The following HECW2 variants were observed in gnomAD, a reference collection of about 807,000 sequenced individuals.
HECW2 encodes HECT, C2 and WW domain containing E3 ubiquitin protein ligase 2.
HECW2 carries 61 observed loss-of-function variants against 175.2 expected under a neutral mutation model. The observed-to-expected ratio is 0.35, with a 90% confidence interval of 0.28 to 0.43. The LOEUF (loss-of-function observed/expected upper bound fraction) is 0.43, where lower values mean the gene tolerates loss of function less well. HECW2 is among the 20% of genes least tolerant of loss of function. The pLI is 1.00. For synonymous variants in HECW2, 671 were observed against 731.0 expected, an observed-to-expected ratio of 0.92 and a Z score of 1.32; for missense variants, 1,524 against 2,000.5, an observed-to-expected ratio of 0.76 and a Z score of 4.54.
intron 2 of HECW2, among the ~76,000 whole-genome samples, chr2:196,405,019 G>C (rs1575507992): frequency 2.0e-5 from 3 of 149,336 alleles, no homozygotes; most frequent in African/African-American, 4.9e-5. Context: ...TTTTAGTAGA[G>C]ATGGGGTTTC....
At chr2:196,428,272 G>A (rs1695605962) in intron 2 of HECW2, among the ~76,000 whole-genome samples, 1 of 152,138 alleles carries the variant, frequency 6.6e-6, no homozygotes, top group Non-Finnish European at 1.5e-5. Flanking sequence ...CAACTGAAGG[G>A]GAGAGGCTGC....
At chr2:196,220,426 GAA>G (rs1559443974) in intron 25 of HECW2, among the ~76,000 whole-genome samples, 1 of 152,154 alleles carries the variant, frequency 6.6e-6, no homozygotes, top group African/African-American at 2.4e-5. Context: ...TGTTTCTACA[GAA>G]AAAGTCACAT....
chr2:196,308,039 A>G lies in HECW2; in HGVS notation c.2481T>C (p.Asp827=). The change falls in exon 11 of 29, where the codon GAT becomes GAC. Residue 827 remains aspartate, a synonymous_variant. Coordinates refer to ENST00000644978, the MANE Select transcript of HECW2 (RefSeq NM_001348768.2). ...GCCACGTCGTGGTTCTGTTTACGTGATCCACGTAGAAGATCCTGCCGTGGC... is the reference window on the plus strand; with the variant it reads ...GCCACGTCGTGGTTCTGTTTACGTGGTCCACGTAGAAGATCCTGCCGTGGC... The part of the protein sequence containing the change: ...IDSHGRIFYV[D]HVNRTTTWQR... The G allele has an allele frequency of 6.2e-7, 1 of 1,600,420 alleles. No individual in the cohort carries two copies. The highest frequency in any genetic ancestry group is 8.5e-7 in the Non-Finnish European group (1 of 1,170,100).
At chr2:196,353,978 G>C (rs1183931261) in intron 2 of HECW2, among the ~76,000 whole-genome samples, 1 of 152,090 alleles carries the variant, frequency 6.6e-6, no homozygotes, top group African/African-American at 2.4e-5. Context: ...TCAATTGTCA[G>C]TATGACCTCA....
chr2:196,451,616 A>AT (rs1185175422), intron 1 of HECW2, among the ~76,000 whole-genome samples: 1 of 151,778 alleles, frequency 6.6e-6, no homozygotes, highest in Non-Finnish European at 1.5e-5. Flanking sequence ...TGATTTCCTG[A>AT]TGGTTGGGCG....
intron 1 of HECW2, among the ~76,000 whole-genome samples, chr2:196,447,772 T>A (rs990003165): frequency 1.3e-5 from 2 of 152,140 alleles, no homozygotes; most frequent in Non-Finnish European, 2.9e-5. Flanking sequence ...GTTTCAACAC[T>A]TTGGGCCAGG....
chr2:196,359,996 C>G (rs1308475613), intron 2 of HECW2, among the ~76,000 whole-genome samples: 4 of 152,124 alleles, frequency 2.6e-5, no homozygotes, highest in African/African-American at 9.7e-5. Flanking sequence ...TCTAGCTACT[C>G]AGGATGCTGA....
intron 1 of HECW2, among the ~76,000 whole-genome samples, chr2:196,590,789 T>C (rs978462795): frequency 6.6e-6 from 1 of 152,208 alleles, no homozygotes; most frequent in African/African-American, 2.4e-5. Context: ...TTCTTTGCCT[T>C]TGGCTGAAAT....
intron 6 of HECW2, among the ~76,000 whole-genome samples, chr2:196,322,857 C>A (rs1030284108): frequency 6.6e-6 from 1 of 152,326 alleles, no homozygotes; most frequent in African/African-American, 2.4e-5. Context: ...CTCAGTCAAT[C>A]ATGCAGCCCT....
At chr2:196,274,208 TAAC>T in intron 15 of HECW2, 85 bp from the exon 16 acceptor site, 1 of 912,234 alleles carries the variant, frequency 1.1e-6, no homozygotes, top group Non-Finnish European at 1.8e-6. Context: ...TTCAAAATAT[TAAC>T]AATGAGCATA....
chr2:196,591,443 A>G (rs1007769410), intron 1 of HECW2, among the ~76,000 whole-genome samples: 2 of 152,240 alleles, frequency 1.3e-5, no homozygotes, highest in African/African-American at 4.8e-5. Flanking sequence ...TTAAGTTCAA[A>G]GACATTTTTG....
chr2:196,388,200 A>C (rs551245242), intron 2 of HECW2, among the ~76,000 whole-genome samples: 80 of 152,300 alleles, frequency 5.3e-4, no homozygotes, highest in Non-Finnish European at 1.0e-3. Context: ...TGGGAGGCTG[A>C]AGCAAGAGGA....
chr2:196,439,712 C>G (rs999958132), intron 1 of HECW2, among the ~76,000 whole-genome samples: 1 of 152,072 alleles, frequency 6.6e-6, no homozygotes, highest in African/African-American at 2.4e-5. Flanking sequence ...ACCTGACCAA[C>G]AGTAGGGAGT....
chr2:196,240,942 TAA>T (rs1688430029), intron 20 of HECW2, among the ~76,000 whole-genome samples: 1 of 152,084 alleles, frequency 6.6e-6, no homozygotes, highest in East Asian at 1.9e-4. Context: ...GGCAATGTTT[TAA>T]GTCTCAATGC....
chr2:196,513,641 T>C (rs1001062415), intron 1 of HECW2, among the ~76,000 whole-genome samples: 3 of 152,174 alleles, frequency 2.0e-5, no homozygotes, highest in Non-Finnish European at 4.4e-5. Flanking sequence ...ATAAAAACAG[T>C]ATATAATGAA....
At chr2:196,306,427 A>G (rs59537349) in intron 13 of HECW2, 61 bp downstream of exon 13, 48,008 of 1,500,058 alleles carry the variant, frequency 0.032, 1,097 homozygotes, top group South Asian at 0.096. Flanking sequence ...TACTACAGAA[A>G]CAACGATCAT....
At chr2:196,367,828 C>T (rs964260563) in intron 2 of HECW2, among the ~76,000 whole-genome samples, 1 of 150,452 alleles carries the variant, frequency 6.6e-6, no homozygotes, top group African/African-American at 2.5e-5. Context: ...GGATCTCATT[C>T]TTTTTCATGG....
At chr2:196,249,250 G>A (rs1256954892) in intron 19 of HECW2, among the ~76,000 whole-genome samples, 1 of 152,142 alleles carries the variant, frequency 6.6e-6, no homozygotes, top group East Asian at 1.9e-4. Flanking sequence ...GGCATAATAA[G>A]CCACATGGTG....
chr2:196,334,691 C>G (rs1010663015), intron 3 of HECW2, among the ~76,000 whole-genome samples, 173 bp from the exon 4 acceptor site: 1 of 152,186 alleles, frequency 6.6e-6, no homozygotes, highest in Non-Finnish European at 1.5e-5. Flanking sequence ...ATTTTATATG[C>G]TCCTCCAAAA....
Sources: gnomAD v4.1 joint callset for allele counts (sites outside exome capture counted in the v4.1 genomes callset) on GRCh38, gnomAD v4.1.1 for gene constraint, MANE v1.5 for transcripts, NCBI Gene and HGNC (gene_info 2026-07-23, HGNC 2026-07-21) for gene names.